The following HADH variants were observed in gnomAD, a reference collection of about 807,000 sequenced individuals.
The protein encoded by HADH is hydroxyacyl-coenzyme A dehydrogenase, mitochondrial.
In HADH, 24 loss-of-function variants were observed where a neutral mutation model predicts 32.2. That is an observed-to-expected ratio of 0.75 (90% CI 0.54 to 1.05). HADH has a LOEUF of 1.05. HADH is among the 50% of genes least tolerant of loss of function. HADH has a pLI of 0.00. For synonymous variants in HADH, 139 were observed against 152.5 expected (o/e 0.91, Z 0.65); for missense variants, 350 against 397.1 (o/e 0.88, Z 1.01).
At chr4:108,015,226 G>A (rs1578255544) in intron 3 of HADH, among the ~76,000 whole-genome samples, 1 of 152,112 alleles carries the variant, frequency 6.6e-6, no homozygotes, top group African/African-American at 2.4e-5. Context: ...CTTAAAGGTT[G>A]TACTAATTTA....
chr4:108,007,979 A>G (rs1302137169), intron 1 of HADH, among the ~76,000 whole-genome samples: 1 of 152,198 alleles, frequency 6.6e-6, no homozygotes, highest in African/African-American at 2.4e-5. Context: ...ATCTCTGCAC[A>G]TGGGTAAAAT....
At chr4:107,990,843 G>A (rs1424666480) in intron 1 of HADH, among the ~76,000 whole-genome samples, 2 of 146,098 alleles carry the variant, frequency 1.4e-5, no homozygotes, top group Non-Finnish European at 3.0e-5. Flanking sequence ...TCCGCCTCCC[G>A]GGTTCAAGCG....
rs749161311 is a variant in HADH at position 108,035,042 on chromosome 4, T to A, written c.*685T>A. 2 of 153,040 alleles carry A rather than the reference T, an allele frequency of 1.3e-5. No homozygotes were observed. The highest frequency in any genetic ancestry group is 2.9e-5 in the Non-Finnish European group (2 of 68,612). 9.5% of individuals were successfully genotyped at this position (153,040 alleles called of 1,614,324 possible). A position where few individuals can be genotyped will look rare whatever the true frequency, so the allele number is the denominator to read the frequency against. On this transcript the variant is annotated 3_prime_UTR_variant, in exon 8 of 8. Coordinates refer to ENST00000309522, the MANE Select transcript of HADH (RefSeq NM_005327.7). ...TTCCATGAGAAATCACTGTTGCAAA[T>A]TGCCTATAAATTGACTCTACTAAAA...
At chr4:107,994,223 C>A (rs1199033181) in intron 1 of HADH, among the ~76,000 whole-genome samples, 1 of 152,038 alleles carries the variant, frequency 6.6e-6, no homozygotes, top group South Asian at 2.1e-4. Context: ...GTTCTTCTCT[C>A]CCAAAGCTTG....
chr4:108,006,824 T>A (rs1735307210), intron 1 of HADH, among the ~76,000 whole-genome samples: 4 of 152,232 alleles, frequency 2.6e-5, no homozygotes, highest in Admixed American at 2.6e-4. Flanking sequence ...TAATTTTTGC[T>A]ATTACTGTGA....
Position 108,021,573 on chromosome 4 carries a change from C to T in HADH, c.547-1901C>T, listed in dbSNP as rs532219941. On this transcript the variant is annotated intron_variant, in intron 4 of 7. Transcript: ENST00000309522. ...CAGACTCTGTTGGAACTAGGAGCAG[C>T]GTATCTGTACAAATTACTGTTCGTT... Among the ~76,000 whole-genome samples the T allele has an allele frequency of 2.6e-5, 4 of 152,064 alleles. No homozygotes were observed. In the East Asian group the frequency reaches 7.7e-4, roughly 29 times the overall value.
At chr4:108,023,798 G>A (rs1735973266) in intron 5 of HADH, 1 of 514,542 alleles carries the variant, frequency 1.9e-6, no homozygotes, top group Non-Finnish European at 3.5e-6. Context: ...CCTGAATGGA[G>A]CTCAGGACAC....
intron 5 of HADH, 138 bp downstream of exon 5, chr4:108,023,701 A>C: frequency 1.4e-6 from 1 of 703,910 alleles, no homozygotes; most frequent in Non-Finnish European, 2.6e-6. Context: ...TGCTGTAAAG[A>C]GCAATCCGTG....
chr4:108,028,955 G>C, intron 6 of HADH: 1 of 398,666 alleles, frequency 2.5e-6, no homozygotes, highest in Non-Finnish European at 4.4e-6. Flanking sequence ...GCCGCCTGTG[G>C]GCTGAAGCTG....
chr4:108,028,687 C>CCTATCAA (rs1736146771), intron 6 of HADH: 2 of 393,580 alleles, frequency 5.1e-6, no homozygotes, highest in Admixed American at 8.9e-5. Context: ...AACAAATATG[C>CCTATCAA]CTAATTACAC....
At chr4:108,014,403 T>C in intron 2 of HADH, 28 bp from the exon 3 acceptor site, 1 of 1,613,934 alleles carries the variant, frequency 6.2e-7, no homozygotes, top group Non-Finnish European at 8.5e-7. Flanking sequence ...GCCCGGTGAA[T>C]GTTCTCTTCT....
At chr4:108,007,162 A>C (rs1165146252) in intron 1 of HADH, among the ~76,000 whole-genome samples, 1 of 152,116 alleles carries the variant, frequency 6.6e-6, no homozygotes, top group Admixed American at 6.5e-5. Context: ...GCTGGAGTGC[A>C]GTGGTGCGAT....
chr4:108,019,503 T>G (rs765666675), intron 3 of HADH, 37 bp from the exon 4 acceptor site: 44 of 1,599,242 alleles, frequency 2.8e-5, no homozygotes, highest in Non-Finnish European at 3.7e-5. Flanking sequence ...AAAGAAGAGA[T>G]TCACTCTGAT....
intron 6 of HADH, chr4:108,029,046 C>T (rs1736164138): frequency 2.5e-6 from 1 of 396,766 alleles, no homozygotes; most frequent in East Asian, 3.6e-5. Context: ...GCTGGTCCCT[C>T]TGCTTCTTTT....
chr4:108,019,784 G>A, intron 4 of HADH, 118 bp downstream of exon 4: 2 of 1,159,582 alleles, frequency 1.7e-6, no homozygotes, highest in South Asian at 1.2e-5. Flanking sequence ...CCTGAGGGTA[G>A]AAGGTTGTCC....
At chr4:108,021,903 A>G (rs1735896749) in intron 4 of HADH, among the ~76,000 whole-genome samples, 1 of 152,176 alleles carries the variant, frequency 6.6e-6, no homozygotes, top group Non-Finnish European at 1.5e-5. Context: ...ATGTCACGAC[A>G]TGACACCATG....
chr4:108,029,233 C>T, intron 6 of HADH: 1 of 236,768 alleles, frequency 4.2e-6, no homozygotes, highest in Non-Finnish European at 8.1e-6. Flanking sequence ...GCCCACCGTG[C>T]CATCTCCGTT....
At chr4:108,015,927 A>G (rs1049041534) in intron 3 of HADH, among the ~76,000 whole-genome samples, 2 of 152,100 alleles carry the variant, frequency 1.3e-5, no homozygotes, top group African/African-American at 4.8e-5. Flanking sequence ...ACTGTCTGCC[A>G]AGGACCCTCA....
intron 3 of HADH, among the ~76,000 whole-genome samples, chr4:108,015,602 A>G (rs990224676): frequency 6.6e-6 from 1 of 152,112 alleles, no homozygotes; most frequent in African/African-American, 2.4e-5. Flanking sequence ...AGAAAAGCCA[A>G]TATGGTTTCC....
Sources: gnomAD v4.1 joint callset for allele counts (sites outside exome capture counted in the v4.1 genomes callset) on GRCh38, gnomAD v4.1.1 for gene constraint, MANE v1.5 for transcripts, NCBI Gene and HGNC (gene_info 2026-07-23, HGNC 2026-07-21) for gene names.